The following SLC24A3 variants were observed in gnomAD, a reference collection of about 807,000 sequenced individuals.
SLC24A3 encodes sodium/potassium/calcium exchanger 3.
Under a neutral mutation model 75.8 loss-of-function variants are expected in SLC24A3, and 28 were observed. The observed-to-expected ratio is 0.37, with a 90% CI of 0.27 to 0.51. The LOEUF is 0.51. SLC24A3 is among the 20% of genes least tolerant of loss of function. SLC24A3 has a pLI of 0.94. For missense variants in SLC24A3, 663 were observed against 847.8 expected (o/e 0.78, Z 2.71); for synonymous variants, 372 against 334.1 (o/e 1.11, Z -1.24).
At chr20:19,698,739 C>A in intron 15 of SLC24A3, 59 bp downstream of exon 15, 1 of 1,297,396 alleles carries the variant, frequency 7.7e-7, no homozygotes, top group Non-Finnish European at 1.1e-6. Context: ...TGTGTTTTAA[C>A]AGCCTTGGCC....
intron 3 of SLC24A3, among the ~76,000 whole-genome samples, chr20:19,570,952 G>A (rs1335172557): frequency 2.0e-5 from 3 of 152,140 alleles, no homozygotes; most frequent in Non-Finnish European, 2.9e-5. Flanking sequence ...CTTAAGAGAG[G>A]TCTCCATAGA....
chr20:19,603,190 T>G (rs2031550619), intron 6 of SLC24A3, among the ~76,000 whole-genome samples: 1 of 152,196 alleles, frequency 6.6e-6, no homozygotes, highest in African/African-American at 2.4e-5. Context: ...TGACCAGAGT[T>G]GGACCTGACT....
At chr20:19,226,455 T>C (rs529824127) in intron 1 of SLC24A3, among the ~76,000 whole-genome samples, 2 of 152,328 alleles carry the variant, frequency 1.3e-5, no homozygotes, top group Admixed American at 1.3e-4. Context: ...AGATGCTTCC[T>C]CACAGTTTCT....
intron 6 of SLC24A3, among the ~76,000 whole-genome samples, chr20:19,591,066 C>T (rs1448433130): frequency 6.6e-6 from 1 of 152,128 alleles, no homozygotes; most frequent in Non-Finnish European, 1.5e-5. Flanking sequence ...CAGGTCCTGA[C>T]AGGGCCCCAC....
intron 3 of SLC24A3, among the ~76,000 whole-genome samples, chr20:19,519,533 G>T (rs2030063281): frequency 6.6e-6 from 1 of 152,202 alleles, no homozygotes; most frequent in Admixed American, 6.5e-5. Flanking sequence ...TGTTTGTCAT[G>T]TATGGTTTCC....
chr20:19,707,342 A>C (rs2032941936), intron 15 of SLC24A3, among the ~76,000 whole-genome samples: 1 of 152,254 alleles, frequency 6.6e-6, no homozygotes, highest in African/African-American at 2.4e-5. Flanking sequence ...ACTGGAGATC[A>C]GTGGAAAGCT....
intron 15 of SLC24A3, among the ~76,000 whole-genome samples, chr20:19,714,013 T>A (rs1237107886): frequency 6.6e-6 from 1 of 152,160 alleles, no homozygotes; most frequent in Non-Finnish European, 1.5e-5. Context: ...TCATGCTGTC[T>A]CCATCAAAAC....
At chr20:19,696,491 T>A (rs899029711) in intron 13 of SLC24A3, 8 of 285,554 alleles carry the variant, frequency 2.8e-5, no homozygotes, top group Non-Finnish European at 4.6e-5. Context: ...TCTGTCCCAA[T>A]ATTGCCTTTT....
chr20:19,719,960 G>A (rs576591339), intron 16 of SLC24A3, among the ~76,000 whole-genome samples: 7 of 152,310 alleles, frequency 4.6e-5, no homozygotes, highest in African/African-American at 1.7e-4. Flanking sequence ...TGAGGTGTGG[G>A]CTATGGGCAT....
chr20:19,627,535 T>C (rs987142483), intron 6 of SLC24A3, among the ~76,000 whole-genome samples: 1 of 151,940 alleles, frequency 6.6e-6, no homozygotes, highest in African/African-American at 2.4e-5. Context: ...GCAGATGGAC[T>C]GAGGATGGGG....
At chr20:19,682,355 A>G (rs756912309) in intron 10 of SLC24A3, among the ~76,000 whole-genome samples, 8 of 152,230 alleles carry the variant, frequency 5.3e-5, no homozygotes, top group Non-Finnish European at 1.0e-4. Context: ...TCATAGCCAC[A>G]CATGGCATGT....
intron 1 of SLC24A3, among the ~76,000 whole-genome samples, chr20:19,250,084 G>T (rs1379065849): frequency 6.6e-6 from 1 of 152,208 alleles, no homozygotes; most frequent in Non-Finnish European, 1.5e-5. Flanking sequence ...CAGTCATTCA[G>T]CCATTCAACA....
intron 3 of SLC24A3, among the ~76,000 whole-genome samples, chr20:19,533,393 G>A (rs911869544): frequency 7.2e-5 from 11 of 152,190 alleles, no homozygotes; most frequent in East Asian, 5.8e-4. Flanking sequence ...CATCACTCCC[G>A]CATGCCCAGA....
chr20:19,662,395 CT>C (rs1376495372), intron 7 of SLC24A3, among the ~76,000 whole-genome samples: 1 of 152,266 alleles, frequency 6.6e-6, no homozygotes, highest in East Asian at 1.9e-4. Context: ...GGACCTGCCC[CT>C]GGAACACCAC....
In SLC24A3 at chr20:19,691,847, C is replaced by G. The variant is rs112843932; in HGVS notation, c.1325-1412C>G. ...TCTGTGAGCTCGGTGCTGCTGTATA[C>G]ACATTTTCACAGATGAAGAAACTGA... On this transcript the variant is annotated intron_variant, in intron 12 of 16. Transcript: ENST00000328041. 7.0e-3 allele frequency among the ~76,000 whole-genome samples: 1,064 copies of G among 152,278 alleles called. 8 individuals are homozygous for G. Among genetic ancestry groups the G allele is most frequent in the Admixed American group, 0.011 (164 of 15,302 alleles).
intron 2 of SLC24A3, among the ~76,000 whole-genome samples, chr20:19,397,164 C>A (rs1986468736): frequency 6.6e-6 from 1 of 152,204 alleles, no homozygotes; most frequent in African/African-American, 2.4e-5. Context: ...ATATCATACC[C>A]ACTTTTCAAA....
intron 3 of SLC24A3, among the ~76,000 whole-genome samples, chr20:19,563,536 C>G (rs1345916516): frequency 6.6e-6 from 1 of 152,176 alleles, no homozygotes; most frequent in African/African-American, 2.4e-5. Context: ...TCTCCTCCCT[C>G]CTCCACAGAA....
chr20:19,697,910 G>A (rs908336472), intron 14 of SLC24A3, among the ~76,000 whole-genome samples: 6 of 152,088 alleles, frequency 3.9e-5, no homozygotes, highest in South Asian at 2.1e-4. Context: ...GTATTAGTGC[G>A]TCTCACATTG....
intron 2 of SLC24A3, among the ~76,000 whole-genome samples, chr20:19,353,733 A>G (rs537948757): frequency 5.3e-5 from 8 of 152,318 alleles, no homozygotes; most frequent in African/African-American, 1.9e-4. Flanking sequence ...AAGGATGTTC[A>G]ACATCATTAG....
Sources: gnomAD v4.1 joint callset for allele counts (sites outside exome capture counted in the v4.1 genomes callset) on GRCh38, gnomAD v4.1.1 for gene constraint, MANE v1.5 for transcripts, NCBI Gene and HGNC (gene_info 2026-07-23, HGNC 2026-07-21) for gene names.